LMNB1: variants seen among roughly 807,000 people sequenced by gnomAD.
LMNB1 encodes lamin-B1.
LMNB1 carries 23 observed loss-of-function variants against 67.1 expected under a neutral mutation model. That is an observed-to-expected ratio of 0.34 (90% confidence interval 0.25 to 0.49). The LOEUF is 0.49. Ranked by LOEUF, LMNB1 falls within the 20% of genes least tolerant of loss-of-function variation. LMNB1 has a pLI of 0.99. For missense variants in LMNB1, 634 were observed against 746.5 expected, an observed-to-expected ratio of 0.85 and a Z score of 1.76; for synonymous variants, 281 against 282.9, an observed-to-expected ratio of 0.99 and a Z score of 0.07.
At chr5:126,823,140 T>C (rs914277341) in intron 8 of LMNB1, among the ~76,000 whole-genome samples, 3 of 152,250 alleles carry the variant, frequency 2.0e-5, no homozygotes, top group African/African-American at 4.8e-5. Flanking sequence ...CTGATACTTA[T>C]AGCCCAGTGT....
intron 1 of LMNB1, among the ~76,000 whole-genome samples, chr5:126,789,164 G>A (rs2112931120): frequency 6.6e-6 from 1 of 152,210 alleles, no homozygotes; most frequent in Admixed American, 6.5e-5. Flanking sequence ...TGGGATTACA[G>A]GTGTGAGCCA....
intron 1 of LMNB1, among the ~76,000 whole-genome samples, chr5:126,800,982 A>ATATATATATATAATTTTTTT: frequency 5.4e-5 from 1 of 18,636 alleles, no homozygotes; most frequent in African/African-American, 1.7e-4. Flanking sequence ...TATATATATA[A>ATATATATATATAATTTTTTT]TTTTTTTTTT....
At chr5:126,785,207 C>T (rs1434964168) in intron 1 of LMNB1, among the ~76,000 whole-genome samples, 3 of 150,068 alleles carry the variant, frequency 2.0e-5, no homozygotes, top group Admixed American at 1.3e-4. Context: ...AGGATCATCT[C>T]GATCTCCTGA....
chr5:126,787,546 A>ATATATATATATATATATATTTTTTTT, intron 1 of LMNB1, among the ~76,000 whole-genome samples: 1 of 65,584 alleles, frequency 1.5e-5, no homozygotes, highest in African/African-American at 6.6e-5. Flanking sequence ...ATATATATAT[A>ATATATATATATATATATATTTTTTTT]TTTTTTTTTT....
At chr5:126,807,183 G>A (rs1408903061) in intron 3 of LMNB1, among the ~76,000 whole-genome samples, 1 of 152,212 alleles carries the variant, frequency 6.6e-6, no homozygotes, top group Non-Finnish European at 1.5e-5. Context: ...ATTGAGGAAA[G>A]GGGAATGTAT....
intron 9 of LMNB1, among the ~76,000 whole-genome samples, chr5:126,827,476 C>A (rs138574846): frequency 5.7e-4 from 86 of 152,126 alleles, no homozygotes; most frequent in Non-Finnish European, 1.1e-3. Flanking sequence ...GCGTGGCCAA[C>A]ATGGTGAAAC....
chr5:126,787,546 A>ATATATATATTTTTTTTTTT, intron 1 of LMNB1, among the ~76,000 whole-genome samples: 25 of 65,554 alleles, frequency 3.8e-4, no homozygotes, highest in Non-Finnish European at 6.0e-4. Context: ...ATATATATAT[A>ATATATATATTTTTTTTTTT]TTTTTTTTTT....
At chr5:126,811,696 A>T (rs1751581534) in intron 4 of LMNB1, 77 bp from the exon 5 acceptor site, 2 of 1,400,504 alleles carry the variant, frequency 1.4e-6, no homozygotes, top group Non-Finnish European at 2.0e-6. Flanking sequence ...TAGGTTTGAA[A>T]TGCCTTGAGG....
chr5:126,781,375 A>T (rs752686873), intron 1 of LMNB1, among the ~76,000 whole-genome samples: 1 of 152,220 alleles, frequency 6.6e-6, no homozygotes, highest in Non-Finnish European at 1.5e-5. Flanking sequence ...TGTATGTCTG[A>T]AAATAGCTTT....
chr5:126,780,241 CTA>C (rs2112916359), intron 1 of LMNB1, among the ~76,000 whole-genome samples: 1 of 152,088 alleles, frequency 6.6e-6, no homozygotes, highest in South Asian at 2.1e-4. Flanking sequence ...AGTCACCGTT[CTA>C]TGTTAGAGGA....
At chr5:126,820,299 G>C (rs531799007) in intron 6 of LMNB1, among the ~76,000 whole-genome samples, 1 of 152,266 alleles carries the variant, frequency 6.6e-6, no homozygotes, top group South Asian at 2.1e-4. Flanking sequence ...GGCTGTGGTG[G>C]GTGGTGGTAG....
At chr5:126,790,392 C>T (rs1750922049) in intron 1 of LMNB1, among the ~76,000 whole-genome samples, 1 of 152,090 alleles carries the variant, frequency 6.6e-6, no homozygotes, top group African/African-American at 2.4e-5. Context: ...AGATGTAAGC[C>T]ACCACATCTG....
chr5:126,799,123 A>G (rs1243922336), intron 1 of LMNB1, among the ~76,000 whole-genome samples: 1 of 148,180 alleles, frequency 6.7e-6, no homozygotes, highest in African/African-American at 2.5e-5. Flanking sequence ...GGTTCACGCC[A>G]TTCTCCTGCC....
intron 9 of LMNB1, among the ~76,000 whole-genome samples, chr5:126,832,276 G>T (rs1294576964): frequency 6.6e-6 from 1 of 152,024 alleles, no homozygotes; most frequent in South Asian, 2.1e-4. Context: ...TCCAAAAAAA[G>T]GGATGAATAA....
rs200262371 is a variant in LMNB1, at chr5:126,819,344, A to G, written c.1160+202A>G. The G allele has an allele frequency of 4.5e-5, 21 of 465,676 alleles. No homozygotes were observed. In the East Asian group the frequency reaches 6.6e-4, roughly 15 times the overall value. The allele number at this position is 465,676 out of a possible 1,614,324, so 28.8% of individuals were successfully genotyped here. A position where few individuals can be genotyped will look rare whatever the true frequency, so the allele number is the denominator to read the frequency against. ...CTCAAGTACTCTTAGTTTATTTATT[A>G]TTATTACTTTAAATGCTGAACTGCA... On this transcript the variant is annotated intron_variant, in intron 6 of 10. Coordinates refer to ENST00000261366, the MANE Select transcript of LMNB1 (RefSeq NM_005573.4).
At position 126,818,988 on chromosome 5, in the gene LMNB1, C is replaced by G. The variant is rs375184818; in HGVS notation, c.1006C>G (p.Arg336Gly). ...GCTTGCTAAAGAAAAAGACAACTCT[C>G]GTCGCATGCTGACAGACAAAGAGAG... ...DLLAKEKDNS[R>G]RMLTDKEREM... Residue 336 changes from arginine (R) to glycine (G), a missense_variant, in exon 6 of 11, where the codon CGT becomes GGT. Transcript: ENST00000261366. 1.2e-6 allele frequency: 2 copies of G among 1,614,108 alleles called. No individual in the cohort carries two copies. The highest frequency in any genetic ancestry group is 1.1e-5 in the South Asian group (1 of 91,082).
At position 126,820,989 on chromosome 5, in the gene LMNB1, G is replaced by A. The variant is rs1480419136; in HGVS notation, c.1240G>A (p.Gly414Arg). The change falls in exon 7 of 11, where the codon GGA becomes AGA. Residue 414 changes from glycine to arginine, a missense_variant. Physicochemically the swap from Gly to Arg is moderately radical, Grantham distance 125. Coordinates refer to ENST00000261366, the MANE Select transcript of LMNB1 (RefSeq NM_005573.4). The stretch of plus-strand genomic sequence containing the variant: ...AAGTCGTAGTGTACGTACAACTAGA[G>A]GAAAGCGGAAGAGGGTTGATGTGGA... The part of the protein sequence containing the change: ...SSSRSVRTTR[G>R]KRKRVDVEES... The A allele has an allele frequency of 1.2e-6, 2 of 1,614,042 alleles. No individual in the cohort carries two copies. Among genetic ancestry groups the A allele is most frequent in the South Asian group, 1.1e-5 (1 of 91,080 alleles).
chr5:126,787,451 T>C (rs934523268), intron 1 of LMNB1, among the ~76,000 whole-genome samples: 4 of 148,876 alleles, frequency 2.7e-5, no homozygotes, highest in Non-Finnish European at 4.4e-5. Flanking sequence ...GTATATGTTA[T>C]ATATAACATA....
At chr5:126,805,786 G>T (rs960457906) in intron 3 of LMNB1, 90 bp downstream of exon 3, 1 of 994,540 alleles carries the variant, frequency 1.0e-6, no homozygotes, top group East Asian at 2.5e-5. Flanking sequence ...TTTTATTTAT[G>T]ATTTCTTTGC....
Sources: allele counts gnomAD v4.1 joint callset (sites outside exome capture counted in the v4.1 genomes callset), GRCh38; gene constraint gnomAD v4.1.1; transcripts MANE v1.5; gene names NCBI Gene and HGNC (gene_info 2026-07-23, HGNC 2026-07-21).